Variants in LPXN observed in about 807,000 individuals in gnomAD.
LPXN encodes the protein leupaxin.
A neutral mutation model predicts 45.6 loss-of-function variants in LPXN; 28 were observed. That is an observed-to-expected ratio of 0.61 (90% CI 0.45 to 0.84). The LOEUF (loss-of-function observed/expected upper bound fraction) is 0.84, where lower values mean the gene tolerates loss of function less well. LPXN is among the 40% of genes least tolerant of loss of function. LPXN has a pLI of 0.00. For synonymous variants in LPXN, 166 were observed against 169.9 expected (o/e 0.98, Z 0.18); for missense variants, 459 against 475.0 (o/e 0.97, Z 0.31).
intron 7 of LPXN, among the ~76,000 whole-genome samples, chr11:58,546,601 G>A (rs2120294029): frequency 6.6e-6 from 1 of 152,222 alleles, no homozygotes; most frequent in South Asian, 2.1e-4. Flanking sequence ...ATATTCAGGA[G>A]TCACTCAACA....
At chr11:58,532,035 A>T (rs897239931) in intron 7 of LPXN, among the ~76,000 whole-genome samples, 2 of 152,208 alleles carry the variant, frequency 1.3e-5, no homozygotes, top group Non-Finnish European at 2.9e-5. Flanking sequence ...CAGGCCCCGC[A>T]CTCAGAGTGG....
At chr11:58,564,986 G>C (rs1033016719) in intron 2 of LPXN, among the ~76,000 whole-genome samples, 4 of 152,174 alleles carry the variant, frequency 2.6e-5, no homozygotes, top group Non-Finnish European at 5.9e-5. Context: ...GAGAAGGAGA[G>C]TGTGGCCTGA....
chr11:58,532,969 C>G (rs760521969), intron 7 of LPXN, among the ~76,000 whole-genome samples: 1 of 152,128 alleles, frequency 6.6e-6, no homozygotes, highest in African/African-American at 2.4e-5. Flanking sequence ...ACGAATCCAC[C>G]AGGAGGAATG....
intron 3 of LPXN, among the ~76,000 whole-genome samples, chr11:58,560,886 T>C (rs921522433): frequency 2.6e-5 from 4 of 152,226 alleles, no homozygotes; most frequent in African/African-American, 9.6e-5. Flanking sequence ...ATCAAACTAA[T>C]AATTTATTGC....
intron 7 of LPXN, among the ~76,000 whole-genome samples, chr11:58,540,719 G>A (rs1853690488): frequency 6.6e-6 from 1 of 152,070 alleles, no homozygotes; most frequent in East Asian, 1.9e-4. Context: ...TTTAATACAT[G>A]AAATTTTCAC....
intron 1 of LPXN, among the ~76,000 whole-genome samples, chr11:58,572,528 C>T (rs547851385): frequency 1.3e-5 from 2 of 152,086 alleles, no homozygotes; most frequent in South Asian, 2.1e-4. Context: ...AAAAATGAAA[C>T]AATCAAGACT....
At chr11:58,570,254 G>A (rs1215477270) in intron 2 of LPXN, among the ~76,000 whole-genome samples, 1 of 150,944 alleles carries the variant, frequency 6.6e-6, no homozygotes, top group Non-Finnish European at 1.5e-5. Context: ...AGTGAGCCGA[G>A]ATTGTGCCAC....
At chr11:58,557,251 T>C (rs1044758544) in intron 3 of LPXN, among the ~76,000 whole-genome samples, 3 of 152,214 alleles carry the variant, frequency 2.0e-5, no homozygotes, top group African/African-American at 7.2e-5. Flanking sequence ...CGTATGTTCA[T>C]TGCCACAATA....
upstream of LPXN, chr11:58,577,948 G>A (rs774584477): frequency 4.6e-6 from 7 of 1,526,466 alleles, no homozygotes; most frequent in African/African-American, 2.8e-5. Context: ...GGGCTCCGAG[G>A]GCCCAAGGAC....
chr11:58,546,961 C>A (rs1853893112), intron 7 of LPXN, among the ~76,000 whole-genome samples: 1 of 151,964 alleles, frequency 6.6e-6, no homozygotes, highest in Non-Finnish European at 1.5e-5. Flanking sequence ...ATGAGTGCCC[C>A]ATCACCACCA....
At chr11:58,535,063 G>A (rs1238835066) in intron 7 of LPXN, among the ~76,000 whole-genome samples, 1 of 152,134 alleles carries the variant, frequency 6.6e-6, no homozygotes, top group Admixed American at 6.5e-5. Flanking sequence ...GGGACCAGGT[G>A]GATTCACAGC....
chr11:58,554,787 T>A, intron 4 of LPXN, 54 bp downstream of exon 4: 1 of 1,413,014 alleles, frequency 7.1e-7, no homozygotes, highest in South Asian at 1.3e-5. Flanking sequence ...TGGGCCCTGT[T>A]TATCATCTGG....
intron 3 of LPXN, among the ~76,000 whole-genome samples, chr11:58,556,987 A>G (rs1484002021): frequency 6.6e-6 from 1 of 152,208 alleles, no homozygotes; most frequent in Non-Finnish European, 1.5e-5. Context: ...TGCAAATCAA[A>G]CTATTATGAG....
chr11:58,543,026 TTA>T (rs1378701079), intron 7 of LPXN, among the ~76,000 whole-genome samples: 1 of 152,206 alleles, frequency 6.6e-6, no homozygotes, highest in Non-Finnish European at 1.5e-5. Context: ...CCCAAATGGC[TTA>T]GTCCTTTGCT....
At chr11:58,543,376 A>T (rs1281905768) in intron 7 of LPXN, among the ~76,000 whole-genome samples, 1 of 152,202 alleles carries the variant, frequency 6.6e-6, no homozygotes, top group Non-Finnish European at 1.5e-5. Context: ...AGCATTGACT[A>T]GAATATGCAT....
intron 4 of LPXN, among the ~76,000 whole-genome samples, chr11:58,552,447 G>C (rs1351751079): frequency 6.6e-6 from 1 of 152,008 alleles, no homozygotes; most frequent in African/African-American, 2.4e-5. Context: ...AACTACAATG[G>C]CTCTCCATTG....
chr11:58,547,634 C>T (rs1853914328), intron 7 of LPXN, among the ~76,000 whole-genome samples: 1 of 152,150 alleles, frequency 6.6e-6, no homozygotes, highest in Non-Finnish European at 1.5e-5. Context: ...GAGGAAAGGC[C>T]ATACCCCTGT....
At chr11:58,561,853 A>C (rs140954970) in intron 3 of LPXN, among the ~76,000 whole-genome samples, 21 of 152,382 alleles carry the variant, frequency 1.4e-4, no homozygotes, top group African/African-American at 5.0e-4. Context: ...AAAATTCTAC[A>C]TAAGAAATGA....
At chr11:58,544,748 G>A (rs2120281628) in intron 7 of LPXN, among the ~76,000 whole-genome samples, 1 of 152,302 alleles carries the variant, frequency 6.6e-6, no homozygotes, top group South Asian at 2.1e-4. Context: ...GCCACAAAAA[G>A]AGGGAGAGTG....
Sources: allele counts gnomAD v4.1 joint callset (sites outside exome capture counted in the v4.1 genomes callset), GRCh38; gene constraint gnomAD v4.1.1; transcripts MANE v1.5; gene names NCBI Gene and HGNC (gene_info 2026-07-23, HGNC 2026-07-21).